PTPN4: variants seen among roughly 807,000 people sequenced by gnomAD.
PTPN4 encodes the protein protein tyrosine phosphatase non-receptor type 4, also known as tyrosine-protein phosphatase non-receptor type 4.
Under a neutral mutation model 135.5 loss-of-function variants are expected in PTPN4, and 49 were observed. That is an observed-to-expected ratio of 0.36 (90% CI 0.29 to 0.46). The LOEUF (loss-of-function observed/expected upper bound fraction) is 0.46, where lower values mean the gene tolerates loss of function less well. PTPN4 is among the 20% of genes least tolerant of loss of function. The pLI is 1.00. For missense variants in PTPN4, 860 were observed against 1,101.0 expected, an observed-to-expected ratio of 0.78 and a Z score of 3.10; for synonymous variants, 333 against 369.9, an observed-to-expected ratio of 0.90 and a Z score of 1.14.
Position 119,885,848 on chromosome 2 carries a change from T to C in PTPN4, c.641T>C (p.Leu214Ser), listed in dbSNP as rs1678148453. Residue 214 changes from leucine (L) to serine (S), a missense_variant, in exon 9 of 27, where the codon TTA becomes TCA. This residue lies in a region of PTPN4 where 684 missense variants were observed against 807.0 expected (regional missense o/e 0.85). Transcript: ENST00000263708. ...AATTACCTAAACACAGCACGTACCTTAGAACTCTATGGAGTTGAATTCCAC... is the reference window on the plus strand; with the variant it reads ...AATTACCTAAACACAGCACGTACCTCAGAACTCTATGGAGTTGAATTCCAC... ...EFNYLNTART[L>S]ELYGVEFHYA... The C allele has an allele frequency of 1.2e-6, 2 of 1,605,068 alleles. No homozygotes were observed. The highest frequency in any genetic ancestry group is 1.7e-5 in the Admixed American group (1 of 57,678).
At chr2:119,916,017 A>G (rs1157118943) in intron 11 of PTPN4, 1 of 150,534 alleles carries the variant, frequency 6.6e-6, no homozygotes, top group African/African-American at 2.4e-5. Context: ...ATAGTGAGAC[A>G]CTGTCTCTAC....
chr2:119,910,169 AGACCCTC>A (rs1678550119), intron 10 of PTPN4, among the ~76,000 whole-genome samples: 1 of 152,082 alleles, frequency 6.6e-6, no homozygotes, highest in South Asian at 2.1e-4. Context: ...CATTGTGGCA[AGACCCTC>A]CACCAACAAA....
At chr2:119,805,508 T>C (rs1290840018) in intron 1 of PTPN4, among the ~76,000 whole-genome samples, 1 of 152,218 alleles carries the variant, frequency 6.6e-6, no homozygotes, top group African/African-American at 2.4e-5. Flanking sequence ...TTTCTACATA[T>C]GGCTAGCCAG....
chr2:119,926,598 T>C lies in PTPN4; in HGVS notation c.1002T>C (p.Cys334=), dbSNP rs1480396194. ...TGTTGTGCATATTTATATATTTCAG[T>C]GGGAGAACTGAAGTCCAATCAGTTC... ...YFTLGSKFRY[C]GRTEVQSVQY... is the part of the protein sequence containing the mutation. The change falls in exon 13 of 27, where the codon TGT becomes TGC. Residue 334 remains cysteine, a splice_region_variant and synonymous_variant. Transcript: ENST00000263708. The C allele has an allele frequency of 1.9e-6, 3 of 1,585,180 alleles. No homozygotes were observed. The highest frequency in any genetic ancestry group is 1.7e-6 in the Non-Finnish European group (2 of 1,160,834).
intron 9 of PTPN4, among the ~76,000 whole-genome samples, chr2:119,890,272 C>CTTTTT (rs60831914): frequency 6.1e-5 from 9 of 147,572 alleles, no homozygotes; most frequent in African/African-American, 2.2e-4. Flanking sequence ...CCTTCTTTGT[C>CTTTTT]TTTTTTTTTT....
At chr2:119,761,685 CG>C (rs1421557990) in intron 1 of PTPN4, among the ~76,000 whole-genome samples, 6 of 152,072 alleles carry the variant, frequency 3.9e-5, no homozygotes, top group Non-Finnish European at 8.8e-5. Context: ...GAAACACGCA[CG>C]GTCCCATAGT....
chr2:119,898,869 T>C (rs1476008594), intron 9 of PTPN4, among the ~76,000 whole-genome samples: 1 of 152,222 alleles, frequency 6.6e-6, no homozygotes, highest in Non-Finnish European at 1.5e-5. Context: ...ATATGTTATT[T>C]TTTAAACTTG....
At chr2:119,903,080 C>T (rs1022576311) in intron 10 of PTPN4, among the ~76,000 whole-genome samples, 1 of 152,144 alleles carries the variant, frequency 6.6e-6, no homozygotes, top group Non-Finnish European at 1.5e-5. Context: ...GCTAGGTCCT[C>T]GAGACTGTAT....
intron 1 of PTPN4, among the ~76,000 whole-genome samples, chr2:119,770,781 A>C (rs1690718844): frequency 6.6e-6 from 1 of 152,120 alleles, no homozygotes; most frequent in Admixed American, 6.5e-5. Context: ...TTACTTGTGT[A>C]ACCCATTTCC....
intron 1 of PTPN4, among the ~76,000 whole-genome samples, chr2:119,780,584 G>C (rs1690918466): frequency 1.3e-5 from 2 of 152,036 alleles, no homozygotes; most frequent in South Asian, 4.1e-4. Context: ...CCTCAATTTG[G>C]ATTTGTCTCA....
At position 119,967,830 on chromosome 2, in the gene PTPN4, T is replaced by C. The variant is rs754741651; in HGVS notation, c.2559-7T>C. 1.9e-6 allele frequency: 3 copies of C among 1,592,564 alleles called. No individual in the cohort carries two copies. Among genetic ancestry groups the C allele is most frequent in the East Asian group, 4.5e-5 (2 of 44,504 alleles). ...GGTAAGATCTTGCCTATATTTGTCT[T>C]TTTTAGTGCTGGAATCGGAAGAACT... is the stretch of plus-strand genomic sequence containing the variant. On this transcript the variant is annotated splice_polypyrimidine_tract_variant and splice_region_variant and intron_variant, in intron 25 of 26. Coordinates refer to ENST00000263708, the MANE Select transcript of PTPN4 (RefSeq NM_002830.4).
At chr2:119,885,117 CT>C (rs1400726277) in intron 8 of PTPN4, among the ~76,000 whole-genome samples, 1 of 152,228 alleles carries the variant, frequency 6.6e-6, no homozygotes, top group South Asian at 2.1e-4. Context: ...GAATAGTCTT[CT>C]TAAACCATCT....
At chr2:119,933,716 T>C (rs1033199637) in intron 14 of PTPN4, among the ~76,000 whole-genome samples, 3 of 151,614 alleles carry the variant, frequency 2.0e-5, no homozygotes, top group African/African-American at 7.3e-5. Context: ...TATTATCAGC[T>C]GAAGAATAAA....
At chr2:119,937,484 A>G (rs1678999645) in intron 15 of PTPN4, among the ~76,000 whole-genome samples, 1 of 152,230 alleles carries the variant, frequency 6.6e-6, no homozygotes, top group South Asian at 2.1e-4. Flanking sequence ...AGTCTACAAC[A>G]CAGCATGTGA....
At chr2:119,926,340 A>T (rs1678824802) in intron 12 of PTPN4, among the ~76,000 whole-genome samples, 1 of 152,174 alleles carries the variant, frequency 6.6e-6, no homozygotes, top group African/African-American at 2.4e-5. Flanking sequence ...CTTCCTCTAA[A>T]CAAAAATCTG....
intron 13 of PTPN4, among the ~76,000 whole-genome samples, chr2:119,926,981 G>T (rs772683806): frequency 2.6e-5 from 4 of 151,708 alleles, no homozygotes; most frequent in Non-Finnish European, 5.9e-5. Flanking sequence ...GAAATATAGT[G>T]ACTTATTTCA....
chr2:119,876,569 TACC>T (rs1183514485), intron 3 of PTPN4, among the ~76,000 whole-genome samples: 1 of 152,168 alleles, frequency 6.6e-6, no homozygotes, highest in African/African-American at 2.4e-5. Context: ...TGGAAAATAC[TACC>T]ACATCTAGTA....
At chr2:119,872,479 C>T (rs1042453880) in intron 3 of PTPN4, among the ~76,000 whole-genome samples, 1 of 152,136 alleles carries the variant, frequency 6.6e-6, no homozygotes, top group Non-Finnish European at 1.5e-5. Flanking sequence ...CTATCTTGGG[C>T]ATAAATACTT....
chr2:119,849,607 C>T (rs1031566053), intron 2 of PTPN4, among the ~76,000 whole-genome samples: 5 of 152,148 alleles, frequency 3.3e-5, no homozygotes, highest in African/African-American at 9.7e-5. Flanking sequence ...CCAAGCAAAC[C>T]GGACATTTTA....
Sources: allele counts gnomAD v4.1 joint callset (sites outside exome capture counted in the v4.1 genomes callset), GRCh38; gene constraint gnomAD v4.1.1; regional missense constraint gnomAD v4.1.1; transcripts MANE v1.5; gene names NCBI Gene and HGNC (gene_info 2026-07-23, HGNC 2026-07-21).